The following DIS3L2 variants were observed in gnomAD, a reference collection of about 807,000 sequenced individuals.
DIS3L2 encodes DIS3 like 3'-5' exoribonuclease 2, also known as DIS3-like exonuclease 2.
In DIS3L2, 34 loss-of-function variants were observed where a neutral mutation model predicts 97.5. That is an observed-to-expected ratio of 0.35 (90% CI 0.27 to 0.46). The LOEUF is 0.46. Among genes scored for constraint, DIS3L2 ranks in the 20% least tolerant of loss-of-function variants. The probability of loss-of-function intolerance (pLI) is 1.00; values close to 1 mark genes in which losing one functional copy is unlikely to be tolerated. For missense variants in DIS3L2, 1,038 were observed against 1,146.0 expected (o/e 0.91, Z 1.36); for synonymous variants, 435 against 445.2 (o/e 0.98, Z 0.29).
chr2:231,988,837 A>G (rs1280831065), intron 1 of DIS3L2, among the ~76,000 whole-genome samples: 2 of 152,230 alleles, frequency 1.3e-5, no homozygotes, highest in East Asian at 3.8e-4. Flanking sequence ...AGCTAGATTG[A>G]TGTTAATCTC....
intron 5 of DIS3L2, among the ~76,000 whole-genome samples, chr2:232,075,678 T>G (rs912107266): frequency 6.6e-6 from 1 of 152,218 alleles, no homozygotes; most frequent in Non-Finnish European, 1.5e-5. Context: ...ATTTGTTTCC[T>G]TATATGTAAC....
chr2:232,086,683 A>G (rs1353274750), intron 5 of DIS3L2, among the ~76,000 whole-genome samples: 11 of 142,362 alleles, frequency 7.7e-5, no homozygotes, highest in African/African-American at 1.8e-4. Context: ...GTGTGTATAT[A>G]TATATTTTTT....
chr2:232,014,485 A>T (rs540761381), intron 1 of DIS3L2, among the ~76,000 whole-genome samples: 1 of 152,316 alleles, frequency 6.6e-6, no homozygotes, highest in East Asian at 1.9e-4. Context: ...CAGCTTTTAG[A>T]TTCTAGATCT....
At chr2:232,165,646 C>T (rs1559694707) in intron 9 of DIS3L2, among the ~76,000 whole-genome samples, 1 of 152,192 alleles carries the variant, frequency 6.6e-6, no homozygotes, top group Non-Finnish European at 1.5e-5. Flanking sequence ...GCCTTAGCCT[C>T]CCAAAATGCT....
intron 6 of DIS3L2, among the ~76,000 whole-genome samples, chr2:232,100,249 C>T (rs1170142748): frequency 6.8e-6 from 1 of 146,944 alleles, no homozygotes; most frequent in Non-Finnish European, 1.5e-5. Flanking sequence ...GTTGGCCAGG[C>T]TGGTCTCGAA....
At chr2:232,080,991 A>G (rs1452674944) in intron 5 of DIS3L2, among the ~76,000 whole-genome samples, 2 of 151,624 alleles carry the variant, frequency 1.3e-5, no homozygotes, top group Non-Finnish European at 2.9e-5. Context: ...TGTAACAAAT[A>G]TTTTAATCTA....
chr2:232,090,740 T>C (rs1696811755), intron 6 of DIS3L2, among the ~76,000 whole-genome samples: 1 of 152,264 alleles, frequency 6.6e-6, no homozygotes, highest in Non-Finnish European at 1.5e-5. Flanking sequence ...TGGTTCATGC[T>C]TGTGTTCAAA....
In DIS3L2 at chr2:232,306,567, T is replaced by C. The variant is rs527434331; in HGVS notation, c.1739+6448T>C. Among the ~76,000 whole-genome samples the C allele has an allele frequency of 2.5e-3, 376 of 152,354 alleles. 1 individual carries two copies. Among genetic ancestry groups the C allele is most frequent in the Non-Finnish European group, 4.4e-3 (297 of 68,030 alleles). Reference sequence around the variant, plus strand: ...ATTTTATCTATTAGTTCTCTGTGTTTGTGTTGGGAAGGAGGTCCACATCAG... The same window carrying C: ...ATTTTATCTATTAGTTCTCTGTGTTCGTGTTGGGAAGGAGGTCCACATCAG... On this transcript the variant is annotated intron_variant, in intron 14 of 20. Transcript: ENST00000325385.
intron 8 of DIS3L2, 134 bp downstream of exon 8, chr2:232,136,853 A>T: frequency 8.5e-7 from 1 of 1,176,168 alleles, no homozygotes; most frequent in East Asian, 2.6e-5. Flanking sequence ...TTTGGTCCTG[A>T]TTCTTCAGAA....
chr2:232,181,380 T>C (rs566280204), intron 9 of DIS3L2, among the ~76,000 whole-genome samples: 12 of 152,328 alleles, frequency 7.9e-5, no homozygotes, highest in African/African-American at 2.6e-4. Flanking sequence ...TTGGGGAAGT[T>C]CTCCTGGATG....
chr2:232,339,529 T>C (rs889758991), downstream of DIS3L2, among the ~76,000 whole-genome samples: 1 of 152,122 alleles, frequency 6.6e-6, no homozygotes, highest in African/African-American at 2.4e-5. Flanking sequence ...GTGTGTGGCC[T>C]GAGGACAGTG....
intron 5 of DIS3L2, among the ~76,000 whole-genome samples, chr2:232,060,439 A>G (rs986096228): frequency 6.6e-6 from 1 of 152,156 alleles, no homozygotes; most frequent in Non-Finnish European, 1.5e-5. Context: ...CTCTAATTTT[A>G]TTCTTCTGCA....
rs539508125 is a variant in DIS3L2, at chr2:232,334,107, C to T, written c.2158+120C>T. On this transcript the variant is annotated intron_variant, in intron 17 of 20. Coordinates refer to ENST00000325385, the MANE Select transcript of DIS3L2 (RefSeq NM_152383.5). ...TGACAGCGGAGGTCCAAGGGTCGGG[C>T]GACCCAAGTGCAGGGGAGCCTGGCC... The T allele has an allele frequency of 6.3e-5, 91 of 1,438,452 alleles. 1 individual carries two copies. In the East Asian group the frequency reaches 7.1e-4, roughly 11 times the overall value. The allele number at this position is 1,438,452 out of a possible 1,614,324, so 89.1% of individuals were successfully genotyped here.
At chr2:232,034,790 T>G (rs1311343876) in intron 5 of DIS3L2, among the ~76,000 whole-genome samples, 3 of 152,248 alleles carry the variant, frequency 2.0e-5, no homozygotes, top group Non-Finnish European at 4.4e-5. Flanking sequence ...AGTGAGTTTA[T>G]TAATCCTGAA....
intron 10 of DIS3L2, among the ~76,000 whole-genome samples, chr2:232,212,346 A>G (rs1254040977): frequency 6.6e-6 from 1 of 152,184 alleles, no homozygotes; most frequent in Non-Finnish European, 1.5e-5. Context: ...CTTAGACACA[A>G]TTGCTTCATT....
downstream of DIS3L2, among the ~76,000 whole-genome samples, chr2:232,337,499 G>A (rs1405078526): frequency 6.6e-6 from 1 of 152,054 alleles, no homozygotes; most frequent in Non-Finnish European, 1.5e-5. Flanking sequence ...GGCTGCTGGT[G>A]ACACAGCCTG....
chr2:232,329,785 T>TGCCGGGGGGGCCCC, intron 14 of DIS3L2, 28 bp from the exon 15 acceptor site: 36 of 967,124 alleles, frequency 3.7e-5, no homozygotes, highest in East Asian at 6.2e-5. Context: ...ACCCCAGCGG[T>TGCCGGGGGGGCCCC]CCCTCCCATC....
intron 6 of DIS3L2, among the ~76,000 whole-genome samples, chr2:232,100,804 GGTGT>G (rs61079731): frequency 0.14 from 19,955 of 147,676 alleles, 1,757 homozygotes; most frequent in South Asian, 0.32. Context: ...TTGAAAGAAA[GGTGT>G]GTGTGTGTGT....
At chr2:232,340,708 C>T, downstream of DIS3L2, 1 of 469,776 alleles carries the variant, frequency 2.1e-6, no homozygotes, top group Non-Finnish European at 4.4e-6. Context: ...TCTCAGTTCT[C>T]TCTCCATCCC....
Sources: gnomAD v4.1 joint callset for allele counts (sites outside exome capture counted in the v4.1 genomes callset) on GRCh38, gnomAD v4.1.1 for gene constraint, MANE v1.5 for transcripts, NCBI Gene and HGNC (gene_info 2026-07-23, HGNC 2026-07-21) for gene names.